The following TEX36 variants were observed in gnomAD, a reference collection of about 807,000 sequenced individuals.
TEX36 encodes testis-expressed protein 36.
TEX36 carries 12 observed loss-of-function variants against 13.6 expected under a neutral mutation model. That is an observed-to-expected ratio of 0.88 (90% CI 0.56 to 1.43). The LOEUF is 1.43. Among genes scored for constraint, TEX36 ranks in the 40% most tolerant of loss-of-function variants. TEX36 has a pLI of 0.00. For synonymous variants in TEX36, 93 were observed against 83.0 expected, an observed-to-expected ratio of 1.12 and a Z score of -0.65; for missense variants, 224 against 228.3, an observed-to-expected ratio of 0.98 and a Z score of 0.12.
At chr10:125,599,918 C>A (rs1222903325) in intron 3 of TEX36, among the ~76,000 whole-genome samples, 1 of 152,128 alleles carries the variant, frequency 6.6e-6, no homozygotes, top group Non-Finnish European at 1.5e-5. Context: ...CTGTGAGACC[C>A]CCAATCCCAG....
chr10:125,610,488 C>T (rs754498135), intron 3 of TEX36, among the ~76,000 whole-genome samples: 2 of 143,808 alleles, frequency 1.4e-5, no homozygotes, highest in Non-Finnish European at 2.9e-5. Flanking sequence ...CCTGCTGAAT[C>T]GGAACTTGTG....
intron 3 of TEX36, among the ~76,000 whole-genome samples, chr10:125,642,239 A>G (rs1846703375): frequency 6.6e-6 from 1 of 152,222 alleles, no homozygotes; most frequent in African/African-American, 2.4e-5. Context: ...GTCGAAGGCA[A>G]AGACAGGGCC....
chr10:125,590,745 T>A (rs1222000544), intron 3 of TEX36, among the ~76,000 whole-genome samples: 3 of 152,178 alleles, frequency 2.0e-5, no homozygotes, highest in African/African-American at 7.2e-5. Context: ...AATAATATTG[T>A]CTGATGAAGA....
downstream of TEX36, among the ~76,000 whole-genome samples, chr10:125,653,654 T>A (rs867534978): frequency 4.9e-4 from 75 of 151,878 alleles, no homozygotes; most frequent in African/African-American, 1.8e-3. Flanking sequence ...ATAAAAATTT[T>A]TAAAAAAAGA....
chr10:125,596,198 G>A (rs200253899), intron 3 of TEX36, among the ~76,000 whole-genome samples: 1 of 74,892 alleles, frequency 1.3e-5, no homozygotes, highest in East Asian at 6.9e-4. Flanking sequence ...TACAGCAAAA[G>A]GGACTTTGCC....
chr10:125,613,280 TA>T lies in TEX36; in HGVS notation c.265-36407del, dbSNP rs1260850140. On this transcript the variant is annotated intron_variant, in intron 3 of 3. Transcript: ENST00000532135. The stretch of plus-strand genomic sequence containing the variant: ...TTATTTATTTATTTATTTATTTATT[TA>T]TTTTTATTATTATTATACTTTAAGT... Among the ~76,000 whole-genome samples, 6 of 145,158 alleles carry T rather than the reference TA, an allele frequency of 4.1e-5. No individual in the cohort carries two copies. The East Asian group carries it at 5.9e-4, about 14-fold the overall frequency.
At chr10:125,621,704 G>A (rs565535756) in intron 3 of TEX36, 29 of 455,598 alleles carry the variant, frequency 6.4e-5, no homozygotes, top group South Asian at 4.3e-4. Flanking sequence ...CAAACCCAGG[G>A]AAGCCAACAG....
chr10:125,678,781 C>T (rs572506055), intron 1 of TEX36, among the ~76,000 whole-genome samples: 1 of 152,130 alleles, frequency 6.6e-6, no homozygotes, highest in South Asian at 2.1e-4. Flanking sequence ...GAGGAGTGTA[C>T]TCAAGGTGGT....
chr10:125,630,931 G>A (rs528851775), intron 3 of TEX36, among the ~76,000 whole-genome samples: 3 of 152,258 alleles, frequency 2.0e-5, no homozygotes, highest in Admixed American at 6.5e-5. Context: ...TGGGCAGGAG[G>A]GGGTCAGGCT....
intron 3 of TEX36, among the ~76,000 whole-genome samples, chr10:125,596,916 T>C (rs1036737377): frequency 7.2e-5 from 11 of 152,194 alleles, no homozygotes; most frequent in Admixed American, 2.6e-4. Flanking sequence ...ATTTGTAATC[T>C]CTCCTGTTAA....
At position 125,601,893 on chromosome 10, in the gene TEX36, C is replaced by T. The variant is rs118007039; in HGVS notation, c.265-25019G>A. On this transcript the variant is annotated intron_variant, in intron 3 of 3. Transcript: ENST00000532135. ...CACACATTGTGCACTGGGGTCCTCG[C>T]CCTGGACAAGGTCCAGAGGCAGCAC... Among the ~76,000 whole-genome samples the T allele has an allele frequency of 8.0e-3, 1,220 of 152,302 alleles. 43 individuals are homozygous for T. Among genetic ancestry groups the T allele is most frequent in the Non-Finnish European group, 4.2e-3 (283 of 68,026 alleles).
At chr10:125,591,020 C>T (rs1425141235) in intron 3 of TEX36, among the ~76,000 whole-genome samples, 4 of 152,142 alleles carry the variant, frequency 2.6e-5, no homozygotes, top group African/African-American at 9.7e-5. Flanking sequence ...ACGGGCCCTG[C>T]CTGCACTGTA....
At chr10:125,600,858 A>G (rs1306889730) in intron 3 of TEX36, among the ~76,000 whole-genome samples, 1 of 152,222 alleles carries the variant, frequency 6.6e-6, no homozygotes, top group Non-Finnish European at 1.5e-5. Context: ...CTGATTTTGC[A>G]ACTGTGAGAC....
At chr10:125,682,291 C>T (rs987825568) in intron 1 of TEX36, among the ~76,000 whole-genome samples, 1 of 152,198 alleles carries the variant, frequency 6.6e-6, no homozygotes, top group Non-Finnish European at 1.5e-5. Context: ...AAAAATCCCA[C>T]AGGCTCTGTA....
chr10:125,659,985 C>T (rs918780220), intron 3 of TEX36, among the ~76,000 whole-genome samples: 6 of 152,016 alleles, frequency 3.9e-5, no homozygotes, highest in Admixed American at 2.6e-4. Flanking sequence ...GAGTTGTCTA[C>T]GTTGAGATGT....
intron 3 of TEX36, among the ~76,000 whole-genome samples, chr10:125,586,411 T>C (rs1359006606): frequency 2.0e-5 from 3 of 152,140 alleles, no homozygotes; most frequent in Non-Finnish European, 2.9e-5. Context: ...AATTTATACC[T>C]TGGTATTTTA....
At chr10:125,635,285 C>T (rs140380944) in intron 3 of TEX36, among the ~76,000 whole-genome samples, 1 of 152,320 alleles carries the variant, frequency 6.6e-6, no homozygotes, top group Non-Finnish European at 1.5e-5. Flanking sequence ...GACTCTTACC[C>T]TGCATCTAGC....
At chr10:125,577,523 A>T (rs1408581235) in intron 3 of TEX36, among the ~76,000 whole-genome samples, 5 of 152,238 alleles carry the variant, frequency 3.3e-5, no homozygotes, top group Non-Finnish European at 7.3e-5. Context: ...ACACAAAAAA[A>T]TTGAATATAA....
chr10:125,674,110 T>C (rs1357125172), intron 1 of TEX36, among the ~76,000 whole-genome samples: 2 of 152,204 alleles, frequency 1.3e-5, no homozygotes, highest in Non-Finnish European at 2.9e-5. Flanking sequence ...AGAGGTTTTG[T>C]TCATTCCTTT....
Sources: gnomAD v4.1 joint callset for allele counts (sites outside exome capture counted in the v4.1 genomes callset) on GRCh38, gnomAD v4.1.1 for gene constraint, MANE v1.5 for transcripts, NCBI Gene and HGNC (gene_info 2026-07-23, HGNC 2026-07-21) for gene names.